RBFOX1: variants seen among roughly 807,000 people sequenced by gnomAD.
The protein encoded by RBFOX1 is RNA binding fox-1 homolog 1, also known as RNA binding protein fox-1 homolog 1.
Under a neutral mutation model 57.7 loss-of-function variants are expected in RBFOX1, and 8 were observed. That is an observed-to-expected ratio of 0.14 (90% CI 0.08 to 0.25). RBFOX1 has a LOEUF of 0.25. RBFOX1 is among the 10% of genes least tolerant of loss of function. The pLI is 1.00. For synonymous variants in RBFOX1, 326 were observed against 222.4 expected (o/e 1.47, Z -4.15); for missense variants, 611 against 548.5 (o/e 1.11, Z -1.14).
At chr16:6,573,237 G>T (rs2097370246) in intron 2 of RBFOX1, among the ~76,000 whole-genome samples, 1 of 152,098 alleles carries the variant, frequency 6.6e-6, no homozygotes, top group Non-Finnish European at 1.5e-5. Context: ...ATCAGACGTG[G>T]GTCATGGTGG....
At chr16:5,748,218 G>T (rs2151610978) in intron 3 of RBFOX1, among the ~76,000 whole-genome samples, 1 of 152,204 alleles carries the variant, frequency 6.6e-6, no homozygotes, top group East Asian at 1.9e-4. Context: ...GTTCTAGTTT[G>T]ATTGCACTGT....
intron 2 of RBFOX1, among the ~76,000 whole-genome samples, chr16:6,471,197 G>C (rs73540102): frequency 0.024 from 3,698 of 152,190 alleles, 124 homozygotes; most frequent in African/African-American, 0.073. Context: ...TGTTTCCTAT[G>C]GTTTGAATGC....
intron 3 of RBFOX1, among the ~76,000 whole-genome samples, chr16:5,830,380 T>G (rs952342300): frequency 3.5e-5 from 5 of 141,980 alleles, no homozygotes; most frequent in Admixed American, 2.8e-4. Flanking sequence ...TTGCTTTTTG[T>G]TTTTTTTTTT....
intron 3 of RBFOX1, among the ~76,000 whole-genome samples, chr16:6,776,176 C>A (rs1567195228): frequency 6.6e-6 from 1 of 152,168 alleles, no homozygotes; most frequent in Non-Finnish European, 1.5e-5. Flanking sequence ...CTTTGGGAGG[C>A]CAGTGCAGAC....
At chr16:6,126,209 A>G (rs1051244980) in intron 1 of RBFOX1, among the ~76,000 whole-genome samples, 4 of 152,226 alleles carry the variant, frequency 2.6e-5, no homozygotes, top group African/African-American at 9.6e-5. Context: ...AAATTCACCC[A>G]CAAACTAGAG....
chr16:7,479,050 G>C (rs1245108888), intron 4 of RBFOX1, among the ~76,000 whole-genome samples: 1 of 151,916 alleles, frequency 6.6e-6, no homozygotes, highest in Non-Finnish European at 1.5e-5. Context: ...CCACAAACAG[G>C]AAAGTGGAGT....
chr16:5,890,483 G>C (rs1002178351), intron 4 of RBFOX1, among the ~76,000 whole-genome samples: 4 of 152,040 alleles, frequency 2.6e-5, no homozygotes, highest in African/African-American at 4.8e-5. Flanking sequence ...CAGATCACGA[G>C]GTCAGGAGTT....
chr16:5,500,697 A>T (rs7188126), intron 2 of RBFOX1, among the ~76,000 whole-genome samples: 1 of 152,066 alleles, frequency 6.6e-6, no homozygotes, highest in African/African-American at 2.4e-5. Flanking sequence ...TGAATGCTTC[A>T]GATATGGTCC....
chr16:7,547,978 TCTC>T (rs2085097057), intron 5 of RBFOX1, among the ~76,000 whole-genome samples: 1 of 152,198 alleles, frequency 6.6e-6, no homozygotes, highest in Non-Finnish European at 1.5e-5. Context: ...AGTAGGCCCA[TCTC>T]AGCATTTGCC....
At chr16:5,995,475 G>T (rs1567233701) in intron 4 of RBFOX1, among the ~76,000 whole-genome samples, 1 of 151,828 alleles carries the variant, frequency 6.6e-6, no homozygotes, top group East Asian at 1.9e-4. Context: ...GAGAGAGGGA[G>T]AAAAAAAATA....
chr16:7,551,904 A>C (rs1025408922), intron 5 of RBFOX1, among the ~76,000 whole-genome samples: 1 of 152,300 alleles, frequency 6.6e-6, no homozygotes, highest in South Asian at 2.1e-4. Context: ...TGACATTAGG[A>C]TAAAGAACAG....
At chr16:7,063,557 G>C (rs1429576208) in intron 4 of RBFOX1, among the ~76,000 whole-genome samples, 2 of 152,168 alleles carry the variant, frequency 1.3e-5, no homozygotes, top group African/African-American at 4.8e-5. Flanking sequence ...TCTCAAGTGG[G>C]AATGAGAGTT....
intron 3 of RBFOX1, among the ~76,000 whole-genome samples, chr16:5,799,237 A>G (rs985463565): frequency 6.6e-6 from 1 of 152,050 alleles, no homozygotes; most frequent in Non-Finnish European, 1.5e-5. Context: ...TAAGTACAGT[A>G]TGGGGGAAAC....
intron 4 of RBFOX1, among the ~76,000 whole-genome samples, chr16:7,242,291 A>G (rs1466262446): frequency 2.0e-5 from 3 of 152,186 alleles, no homozygotes; most frequent in East Asian, 1.9e-4. Context: ...GTCTGAATAA[A>G]ACACATGGAA....
At chr16:5,296,306 C>G (rs370739067) in intron 1 of RBFOX1, among the ~76,000 whole-genome samples, 34 of 152,318 alleles carry the variant, frequency 2.2e-4, no homozygotes, top group African/African-American at 8.2e-4. Context: ...GACTTGGTCT[C>G]TTCCTCATTT....
intron 2 of RBFOX1, among the ~76,000 whole-genome samples, chr16:6,558,502 A>T (rs1041365665): frequency 2.0e-5 from 3 of 152,114 alleles, no homozygotes; most frequent in African/African-American, 7.2e-5. Context: ...GTCACGTTGG[A>T]AGGACATTGG....
At chr16:7,522,104 T>C (rs2077637151) in intron 5 of RBFOX1, among the ~76,000 whole-genome samples, 1 of 152,180 alleles carries the variant, frequency 6.6e-6, no homozygotes, top group Admixed American at 6.5e-5. Flanking sequence ...CTGAGGAGCT[T>C]CATATCCAAA....
At chr16:5,346,579 G>T (rs2065144759) in intron 1 of RBFOX1, among the ~76,000 whole-genome samples, 2 of 152,144 alleles carry the variant, frequency 1.3e-5, no homozygotes, top group African/African-American at 4.8e-5. Context: ...TTGGCTCTTG[G>T]ATTTGTCATT....
chr16:5,996,549 T>C (rs2060493949), intron 4 of RBFOX1, among the ~76,000 whole-genome samples: 1 of 151,860 alleles, frequency 6.6e-6, no homozygotes, highest in Non-Finnish European at 1.5e-5. Flanking sequence ...ATTAGGTAAC[T>C]TGTAAGTGAG....
Sources: allele counts gnomAD v4.1 joint callset (sites outside exome capture counted in the v4.1 genomes callset), GRCh38; gene constraint gnomAD v4.1.1; transcripts MANE v1.5; gene names NCBI Gene and HGNC (gene_info 2026-07-23, HGNC 2026-07-21).